SCN10A: variants seen among roughly 807,000 people sequenced by gnomAD.
The protein encoded by SCN10A is sodium voltage-gated channel alpha subunit 10, also known as sodium channel protein type 10 subunit alpha.
SCN10A carries 162 observed loss-of-function variants against 170.7 expected under a neutral mutation model. The ratio of observed to expected loss-of-function variants is 0.95; its 90% CI spans 0.84 to 1.08. The LOEUF (loss-of-function observed/expected upper bound fraction) is 1.08, where lower values mean the gene tolerates loss of function less well. Ranked by LOEUF, SCN10A falls within the 50% of genes least tolerant of loss-of-function variation. The pLI, the probability that SCN10A is intolerant of heterozygous loss-of-function variation, is 0.00. For synonymous variants in SCN10A, 985 were observed against 904.6 expected (o/e 1.09, Z -1.59); for missense variants, 2,527 against 2,436.9 (o/e 1.04, Z -0.78).
Position 38,702,097 on chromosome 3 carries a change from C to T in SCN10A, c.4399G>A (p.Gly1467Ser), listed in dbSNP as rs2063162734. 1 of 1,552,536 alleles carries T rather than the reference C, an allele frequency of 6.4e-7. No individual in the cohort carries two copies. Among genetic ancestry groups the T allele is most frequent in the Non-Finnish European group, 8.7e-7 (1 of 1,151,394 alleles). ...PIPRPLNKFQ[G>S]FVFDIVTRQA... ...CTGGTCACGATGTCAAAGACAAAACCCTGGAACTTGTTCTGAGAAAACAAG... is the reference window on the plus strand; with the variant it reads ...CTGGTCACGATGTCAAAGACAAAACTCTGGAACTTGTTCTGAGAAAACAAG... Residue 1467 changes from glycine to serine, a missense_variant, in exon 27 of 28, where the codon GGT becomes AGT. Coordinates refer to ENST00000449082, the MANE Select transcript of SCN10A (RefSeq NM_006514.4).
At chr3:38,757,255 G>A in intron 8 of SCN10A, 96 bp from the exon 9 acceptor site, 4 of 1,207,486 alleles carry the variant, frequency 3.3e-6, no homozygotes, top group Non-Finnish European at 4.7e-6. Context: ...AGAGATCAGA[G>A]TTCAAGACCT....
intron 27 of SCN10A, among the ~76,000 whole-genome samples, chr3:38,699,300 T>C (rs914029118): frequency 4.7e-5 from 7 of 150,204 alleles, no homozygotes; most frequent in Non-Finnish European, 8.9e-5. Context: ...CAACTCCAAC[T>C]ATGAACAAAG....
intron 15 of SCN10A, among the ~76,000 whole-genome samples, chr3:38,737,279 A>G (rs1203676728): frequency 6.6e-6 from 1 of 151,320 alleles, no homozygotes; most frequent in Non-Finnish European, 1.5e-5. Flanking sequence ...CTCGTATTTT[A>G]TTAGAAAACT....
chr3:38,786,792 G>A (rs1051516773), intron 4 of SCN10A, among the ~76,000 whole-genome samples: 2 of 152,120 alleles, frequency 1.3e-5, no homozygotes, highest in African/African-American at 4.8e-5. Flanking sequence ...TTTCCCTGCT[G>A]TTCTGGGGTG....
At chr3:38,699,679 C>G (rs780061636) in intron 27 of SCN10A, among the ~76,000 whole-genome samples, 7 of 152,206 alleles carry the variant, frequency 4.6e-5, no homozygotes, top group Admixed American at 1.3e-4. Flanking sequence ...TTAACTAGGA[C>G]ATGTTCCCAT....
intron 4 of SCN10A, among the ~76,000 whole-genome samples, chr3:38,775,724 C>T (rs892761841): frequency 4.6e-5 from 7 of 152,020 alleles, no homozygotes; most frequent in African/African-American, 1.7e-4. Context: ...AATGTCTGCT[C>T]GTATACCTAA....
chr3:38,722,397 C>G lies in SCN10A; in HGVS notation c.3368G>C (p.Cys1123Ser). The G allele has an allele frequency of 6.2e-7, 1 of 1,613,758 alleles. No homozygotes were observed. Among genetic ancestry groups the G allele is most frequent in the Non-Finnish European group, 8.5e-7 (1 of 1,179,830 alleles). ...DCFTEGCIRH[C>S]PCCKLDTTKS... ...GGTGGTATCCAGTTTGCAGCAGGGA[C>G]AGTGGCGAATGCATCCTGTGGGGAG... The change falls in exon 20 of 28, where the codon TGT (cysteine) becomes TCT (serine). Residue 1123 changes from cysteine to serine, a missense_variant. Coordinates refer to ENST00000449082, the MANE Select transcript of SCN10A (RefSeq NM_006514.4).
Position 38,714,059 on chromosome 3 carries a change from C to A in SCN10A, c.3703G>T (p.Ala1235Ser). 6.2e-7 allele frequency: 1 copy of A among 1,614,218 alleles called. No individual in the cohort carries two copies. The highest frequency in any genetic ancestry group is 8.5e-7 in the Non-Finnish European group (1 of 1,180,030). Residue 1235 changes from alanine (A) to serine (S), a missense_variant, in exon 22 of 28, where the codon GCG (alanine) becomes TCG (serine). Physicochemically the swap from Ala to Ser is moderately conservative, Grantham distance 99 (BLOSUM62 1). Transcript: ENST00000449082. ...ACTTCAGAATATTCCAGAATCTTCG[C>A]TGTGAGACTTATCAGTGAGATCTGA... is the stretch of plus-strand genomic sequence containing the variant. ...IVNISLISLT[A>S]KILEYSEVAP...
At chr3:38,805,634 T>C (rs1259704863) in intron 1 of SCN10A, among the ~76,000 whole-genome samples, 2 of 152,112 alleles carry the variant, frequency 1.3e-5, no homozygotes, top group African/African-American at 4.8e-5. Context: ...CTAGGAAAGA[T>C]ATAGCATTTG....
rs768006927 is a variant in SCN10A, at chr3:38,698,453, C to A, written c.4767G>T (p.Ala1589=). ...AGAGCAGTGTGCGGATCCCCTTGGC[C>A]GCTCGGATCAGTCTGAGGATGCGGC... ...RIGRILRLIR[A]AKGIRTLLFA... is the part of the protein sequence containing the mutation. Residue 1589 remains alanine, a synonymous_variant, in exon 28 of 28, where the codon GCG becomes GCT. Coordinates refer to ENST00000449082, the MANE Select transcript of SCN10A (RefSeq NM_006514.4). 1.2e-6 allele frequency: 2 copies of A among 1,614,144 alleles called. No homozygotes were observed. Among genetic ancestry groups the A allele is most frequent in the Non-Finnish European group, 8.5e-7 (1 of 1,180,030 alleles).
intron 4 of SCN10A, among the ~76,000 whole-genome samples, chr3:38,780,564 T>C (rs1053056152): frequency 6.6e-6 from 1 of 152,136 alleles, no homozygotes; most frequent in Non-Finnish European, 1.5e-5. Flanking sequence ...GGTTTTTGCA[T>C]TGTTGAAATT....
At chr3:38,744,553 G>A (rs1157107193) in intron 13 of SCN10A, among the ~76,000 whole-genome samples, 1 of 151,150 alleles carries the variant, frequency 6.6e-6, no homozygotes, top group South Asian at 2.1e-4. Context: ...CATTATGCAG[G>A]TTAGCCACAT....
At chr3:38,734,851 GAACCTAA>G (rs2063544080) in intron 15 of SCN10A, among the ~76,000 whole-genome samples, 1 of 152,262 alleles carries the variant, frequency 6.6e-6, no homozygotes, top group East Asian at 1.9e-4. Context: ...CTAGTAAAAA[GAACCTAA>G]TGGCATAAGG....
At chr3:38,720,645 C>T (rs182796893) in intron 20 of SCN10A, among the ~76,000 whole-genome samples, 4 of 148,946 alleles carry the variant, frequency 2.7e-5, no homozygotes, top group South Asian at 2.2e-4. Flanking sequence ...CTGCAGGGGG[C>T]GGGCTGGGCT....
In SCN10A at chr3:38,697,272, G is replaced by A; in HGVS notation, c.*77C>T. 1 of 1,559,350 alleles carries A rather than the reference G, an allele frequency of 6.4e-7. No homozygotes were observed. The highest frequency in any genetic ancestry group is 2.3e-5 in the East Asian group (1 of 44,282). ...CATTGGTGAGGCTGTAGCTGGGTGT[G>A]ATCTGCAATGGGAAAGAGTTAACAC... is the stretch of plus-strand genomic sequence containing the variant. On this transcript the variant is annotated 3_prime_UTR_variant, in exon 28 of 28. Coordinates refer to ENST00000449082, the MANE Select transcript of SCN10A (RefSeq NM_006514.4).
At chr3:38,706,953 G>A (rs1007457951) in intron 26 of SCN10A, among the ~76,000 whole-genome samples, 1 of 152,052 alleles carries the variant, frequency 6.6e-6, no homozygotes, top group African/African-American at 2.4e-5. Flanking sequence ...TTTAATCCCT[G>A]GGTTCTAACT....
chr3:38,712,409 T>A lies in SCN10A; in HGVS notation c.3841A>T (p.Ile1281Phe). ...AGGCAGACGAGGAGGACATTCATGA[T>A]GGATGGGATGGCGCCCACCAGGGCA... is the stretch of plus-strand genomic sequence containing the variant. ...VDALVGAIPS[I>F]MNVLLVCLIF... Residue 1281 changes from isoleucine to phenylalanine, a missense_variant, in exon 23 of 28, where the codon ATC (isoleucine) becomes TTC (phenylalanine). Ile to Phe is a conservative substitution (Grantham distance 21, BLOSUM62 0). Coordinates refer to ENST00000449082, the MANE Select transcript of SCN10A (RefSeq NM_006514.4). 6.2e-7 allele frequency: 1 copy of A among 1,614,166 alleles called. No homozygotes were observed. The highest frequency in any genetic ancestry group is 1.7e-5 in the Admixed American group (1 of 60,024).
Position 38,763,550 on chromosome 3 carries a change from T to C in SCN10A, c.646A>G (p.Thr216Ala), listed in dbSNP as rs1370544343. Residue 216 changes from threonine to alanine, a missense_variant, in exon 6 of 28, where the codon ACA becomes GCA. Transcript: ENST00000449082. Reference protein sequence around the residue: ...IDLRGISGLRTFRVLRALKTV... With the variant: ...IDLRGISGLRAFRVLRALKTV... ...TTTAATGCTCTAAGAACTCTGAATG[T>C]CCGCAGGCCTGAGATCCCACGGAGA... 1 of 1,613,998 alleles carries C rather than the reference T, an allele frequency of 6.2e-7. No individual in the cohort carries two copies. The highest frequency in any genetic ancestry group is 8.5e-7 in the Non-Finnish European group (1 of 1,179,988).
chr3:38,722,562 C>A, intron 19 of SCN10A, 150 bp from the exon 20 acceptor site: 1 of 812,458 alleles, frequency 1.2e-6, no homozygotes, highest in South Asian at 1.7e-5. Flanking sequence ...GAAGAGGGGT[C>A]CCTTCCAGGG....
Sources: gnomAD v4.1 joint callset for allele counts (sites outside exome capture counted in the v4.1 genomes callset) on GRCh38, gnomAD v4.1.1 for gene constraint, MANE v1.5 for transcripts, NCBI Gene and HGNC (gene_info 2026-07-23, HGNC 2026-07-21) for gene names.